VMP1: variants seen among roughly 807,000 people sequenced by gnomAD.
The protein encoded by VMP1 is vacuole membrane protein 1, also known as ectopic P-granules autophagy protein 3 homolog.
In VMP1, 11 loss-of-function variants were observed where a neutral mutation model predicts 56.0. That is an observed-to-expected ratio of 0.20 (90% CI 0.12 to 0.32). The LOEUF (loss-of-function observed/expected upper bound fraction) is 0.32, where lower values mean the gene tolerates loss of function less well. Ranked by LOEUF, VMP1 falls within the 10% of genes least tolerant of loss-of-function variation. The pLI, the probability that VMP1 is intolerant of heterozygous loss-of-function variation, is 1.00. For synonymous variants in VMP1, 149 were observed against 165.0 expected (o/e 0.90, Z 0.74); for missense variants, 296 against 490.3 (o/e 0.60, Z 3.74).
Position 59,765,623 on chromosome 17 carries a change from T to C in VMP1, c.582+485T>C, listed in dbSNP as rs146746681. On this transcript the variant is annotated intron_variant, in intron 6 of 11. Coordinates refer to ENST00000262291, the MANE Select transcript of VMP1 (RefSeq NM_030938.5). The stretch of plus-strand genomic sequence containing the variant: ...AAAATTATAAGGGAAAGGAAATATA[T>C]TTATTATTAATTAAGTGGAAACGGA... 1.4e-4 allele frequency among the ~76,000 whole-genome samples: 22 copies of C among 152,242 alleles called. 1 individual carries two copies. The South Asian group carries it at 3.3e-3, about 23-fold the overall frequency.
At chr17:59,828,040 A>AG (rs1568224015) in intron 10 of VMP1, among the ~76,000 whole-genome samples, 1 of 151,412 alleles carries the variant, frequency 6.6e-6, no homozygotes, top group African/African-American at 2.4e-5. Context: ...AAAAAAAAAA[A>AG]GCTGCCACCA....
intron 6 of VMP1, among the ~76,000 whole-genome samples, chr17:59,770,673 C>T (rs148932003): frequency 2.0e-3 from 298 of 151,498 alleles, no homozygotes; most frequent in African/African-American, 6.9e-3. Flanking sequence ...AACCTCCTCT[C>T]GTATTCCCAC....
intron 7 of VMP1, among the ~76,000 whole-genome samples, chr17:59,804,743 T>C (rs537334755): frequency 7.2e-5 from 11 of 152,234 alleles, no homozygotes; most frequent in Admixed American, 7.2e-4. Flanking sequence ...TGCAGTGCTT[T>C]CCTGGTTTTG....
intron 5 of VMP1, among the ~76,000 whole-genome samples, chr17:59,749,281 A>G (rs1242909065): frequency 1.3e-5 from 2 of 151,838 alleles, no homozygotes; most frequent in Non-Finnish European, 2.9e-5. Flanking sequence ...TATATGTTTA[A>G]AGGTGAGTAT....
intron 1 of VMP1, among the ~76,000 whole-genome samples, chr17:59,715,392 CA>C (rs2034112402): frequency 6.6e-6 from 1 of 152,124 alleles, no homozygotes; most frequent in South Asian, 2.1e-4. Context: ...CTTCACAAGG[CA>C]GCAGAAGAGA....
rs572727239 is a variant in VMP1, at chr17:59,821,159, A to T, written c.974+3386A>T. Among the ~76,000 whole-genome samples the T allele has an allele frequency of 6.6e-5, 10 of 151,568 alleles. No individual in the cohort carries two copies. In the South Asian group the frequency reaches 1.7e-3, roughly 25 times the overall value. ...CTAATTTTTTGTATTGTTAATAGAG[A>T]CAGGGTTTCACGGTGTTAGCCAGGA... On this transcript the variant is annotated intron_variant, in intron 10 of 11. Transcript: ENST00000262291.
At chr17:59,745,456 G>A (rs1014900292) in intron 5 of VMP1, among the ~76,000 whole-genome samples, 1 of 152,176 alleles carries the variant, frequency 6.6e-6, no homozygotes, top group Admixed American at 6.5e-5. Context: ...GCAAAGCAGA[G>A]TCAAAGGTTT....
chr17:59,717,729 G>C (rs2034221894), intron 1 of VMP1, among the ~76,000 whole-genome samples: 1 of 152,166 alleles, frequency 6.6e-6, no homozygotes, highest in Admixed American at 6.5e-5. Flanking sequence ...ATAACAGCCT[G>C]ACCAACATGG....
rs1319044857 is a variant in VMP1 at position 59,817,720 on chromosome 17, T to C, written c.921T>C (p.Phe307=). 1 of 1,601,478 alleles carries C rather than the reference T, an allele frequency of 6.2e-7. No individual in the cohort carries two copies. The highest frequency in any genetic ancestry group is 1.3e-5 in the African/African-American group (1 of 74,390). The change falls in exon 10 of 12, where the codon TTT becomes TTC. Residue 307 remains phenylalanine (F), a synonymous_variant. Transcript: ENST00000262291. ...AIIKMHIQKI[F]VIITFSKHIV... ...TGGTGTTTTCTTTACAGAAAATTTT[T>C]GTTATAATAACATTCAGCAAGCACA...
intron 1 of VMP1, among the ~76,000 whole-genome samples, chr17:59,711,028 G>A (rs1432335665): frequency 1.3e-5 from 2 of 151,342 alleles, no homozygotes; most frequent in African/African-American, 2.4e-5. Context: ...AGCCGAGATC[G>A]CGCCACTGCA....
At chr17:59,730,869 A>G (rs569205483) in intron 1 of VMP1, among the ~76,000 whole-genome samples, 1 of 151,530 alleles carries the variant, frequency 6.6e-6, no homozygotes, top group South Asian at 2.1e-4. Flanking sequence ...ATATCATTTT[A>G]TTCAGTAGAA....
intron 1 of VMP1, among the ~76,000 whole-genome samples, chr17:59,721,633 C>G (rs2034399576): frequency 6.6e-6 from 1 of 152,022 alleles, no homozygotes; most frequent in African/African-American, 2.4e-5. Flanking sequence ...TATGTAATCC[C>G]AGCACTTTGG....
intron 5 of VMP1, among the ~76,000 whole-genome samples, chr17:59,763,178 G>A (rs1468381237): frequency 6.6e-6 from 1 of 151,724 alleles, no homozygotes; most frequent in Middle Eastern, 3.2e-3. Flanking sequence ...ATGTCTGATA[G>A]CTATAATTGT....
intron 7 of VMP1, among the ~76,000 whole-genome samples, chr17:59,784,341 T>C (rs2036933587): frequency 6.6e-6 from 1 of 152,118 alleles, no homozygotes; most frequent in South Asian, 2.1e-4. Flanking sequence ...GCATGTCTAC[T>C]TTTTCAGTTT....
At chr17:59,823,884 C>T (rs948889792) in intron 10 of VMP1, among the ~76,000 whole-genome samples, 1 of 151,944 alleles carries the variant, frequency 6.6e-6, no homozygotes, top group African/African-American at 2.4e-5. Flanking sequence ...TGGTAGAGAA[C>T]AAAATCAAAA....
intron 1 of VMP1, among the ~76,000 whole-genome samples, chr17:59,721,791 T>C (rs2034409112): frequency 6.6e-6 from 1 of 152,222 alleles, no homozygotes. Context: ...TAATCAACAT[T>C]GTATTGCTCT....
chr17:59,721,282 G>A (rs1414944013), intron 1 of VMP1, among the ~76,000 whole-genome samples: 1 of 151,822 alleles, frequency 6.6e-6, no homozygotes, highest in Non-Finnish European at 1.5e-5. Flanking sequence ...GGAGCTGGAG[G>A]TTGCAGTGAG....
At chr17:59,771,606 G>GTTTTT (rs1306304917) in intron 6 of VMP1, among the ~76,000 whole-genome samples, 4 of 123,450 alleles carry the variant, frequency 3.2e-5, no homozygotes, top group African/African-American at 6.0e-5. Context: ...GGTTTTTTTG[G>GTTTTT]TTTTTTTTTT....
intron 1 of VMP1, among the ~76,000 whole-genome samples, chr17:59,719,691 A>G (rs2034318687): frequency 6.6e-6 from 1 of 152,056 alleles, no homozygotes. Flanking sequence ...ACTCTCAGTA[A>G]TTTACTTGCA....
Sources: allele counts gnomAD v4.1 joint callset (sites outside exome capture counted in the v4.1 genomes callset), GRCh38; gene constraint gnomAD v4.1.1; transcripts MANE v1.5; gene names NCBI Gene and HGNC (gene_info 2026-07-23, HGNC 2026-07-21).